The following PGCKA1 variants were observed in gnomAD, a reference collection of about 807,000 sequenced individuals.
The protein encoded by PGCKA1 is PDCD10 and GCKIII kinases associated 1, also known as PDCD10 and GCKIII kinases-associated protein 1.
chr4:37,535,447 G>A, the PGCKA1 span, among the ~76,000 whole-genome samples: 13 of 152,226 alleles, frequency 8.5e-5, 1 homozygote, highest in South Asian at 2.1e-3. Flanking sequence ...ACAATTTGGG[G>A]CCATTTACAG....
the PGCKA1 span, among the ~76,000 whole-genome samples, chr4:37,525,564 A>C: frequency 6.6e-6 from 1 of 152,184 alleles, no homozygotes; most frequent in East Asian, 1.9e-4. Flanking sequence ...ATGAAGTCTC[A>C]AGTCTTTATT....
chr4:37,524,308 G>C, the PGCKA1 span, among the ~76,000 whole-genome samples: 5,310 of 152,260 alleles, frequency 0.035, 342 homozygotes, highest in African/African-American at 0.12. Flanking sequence ...GCCCTGGTTG[G>C]GCCTTAGTGG....
the PGCKA1 span, among the ~76,000 whole-genome samples, chr4:37,505,738 C>T: frequency 5.9e-5 from 9 of 152,174 alleles, no homozygotes; most frequent in Admixed American, 5.9e-4. Flanking sequence ...TCAGTTATCT[C>T]CCACTGGGTC....
At chr4:37,522,101 G>C in the PGCKA1 span, among the ~76,000 whole-genome samples, 6 of 152,158 alleles carry the variant, frequency 3.9e-5, no homozygotes, top group Non-Finnish European at 7.4e-5. Context: ...GTTCACTCAA[G>C]GCCCTGGAGC....
chr4:37,463,990 G>A, the PGCKA1 span, among the ~76,000 whole-genome samples: 9 of 152,202 alleles, frequency 5.9e-5, no homozygotes, highest in South Asian at 1.5e-3. Flanking sequence ...ATGACTAGGC[G>A]AGGCACAAGT....
chr4:37,554,208 A>G, the PGCKA1 span, among the ~76,000 whole-genome samples: 1 of 152,172 alleles, frequency 6.6e-6, no homozygotes, highest in Non-Finnish European at 1.5e-5. Context: ...ACCATCCGCC[A>G]TGATTGTGAG....
the PGCKA1 span, among the ~76,000 whole-genome samples, chr4:37,551,828 A>G: frequency 7.2e-5 from 11 of 152,228 alleles, no homozygotes; most frequent in Non-Finnish European, 1.5e-4. Flanking sequence ...ACTTCTTCAA[A>G]TGATAAAAAG....
the PGCKA1 span, among the ~76,000 whole-genome samples, chr4:37,520,592 G>A: frequency 9.0e-4 from 136 of 151,738 alleles, no homozygotes; most frequent in Non-Finnish European, 1.5e-3. Flanking sequence ...AATTTTTACA[G>A]TATCAGTTGT....
chr4:37,531,546 T>A, the PGCKA1 span, among the ~76,000 whole-genome samples: 12 of 152,000 alleles, frequency 7.9e-5, no homozygotes, highest in Non-Finnish European at 1.5e-4. Context: ...TTGTGAGATT[T>A]TTATAATATT....
At chr4:37,465,080 T>C in the PGCKA1 span, among the ~76,000 whole-genome samples, 1 of 152,216 alleles carries the variant, frequency 6.6e-6, no homozygotes, top group Non-Finnish European at 1.5e-5. Flanking sequence ...GTGGCATTTA[T>C]AACATTTAAA....
the PGCKA1 span, among the ~76,000 whole-genome samples, chr4:37,555,144 C>T: frequency 6.6e-6 from 1 of 152,082 alleles, no homozygotes; most frequent in Non-Finnish European, 1.5e-5. Flanking sequence ...CAGTTGGTTT[C>T]CTAGGAAGCA....
the PGCKA1 span, among the ~76,000 whole-genome samples, chr4:37,564,969 TACAC>T: frequency 1.3e-5 from 2 of 150,500 alleles, no homozygotes; most frequent in Admixed American, 1.3e-4. Context: ...CACACACACG[TACAC>T]ACACACACAC....
chr4:37,545,093 T>G, the PGCKA1 span, among the ~76,000 whole-genome samples: 1 of 152,168 alleles, frequency 6.6e-6, no homozygotes, highest in African/African-American at 2.4e-5. Context: ...TGACCTCAAG[T>G]GATCCACGCA....
the PGCKA1 span, among the ~76,000 whole-genome samples, chr4:37,570,492 A>G: frequency 6.7e-6 from 1 of 149,666 alleles, no homozygotes; most frequent in Non-Finnish European, 1.5e-5. Context: ...TTTTTCAACT[A>G]TAGATTCATT....
the PGCKA1 span, among the ~76,000 whole-genome samples, chr4:37,571,345 G>C: frequency 7.1e-6 from 1 of 140,156 alleles, no homozygotes; most frequent in Admixed American, 7.2e-5. Context: ...AATTTATAGA[G>C]ACTATTATCC....
At chr4:37,555,655 A>C in the PGCKA1 span, among the ~76,000 whole-genome samples, 6 of 152,188 alleles carry the variant, frequency 3.9e-5, no homozygotes, top group African/African-American at 1.4e-4. Flanking sequence ...GTATAATCAA[A>C]GTCAAGATAA....
chr4:37,554,201 A>G, the PGCKA1 span, among the ~76,000 whole-genome samples: 1 of 152,110 alleles, frequency 6.6e-6, no homozygotes, highest in East Asian at 1.9e-4. Context: ...CTGCTTCACC[A>G]TCCGCCATGA....
At chr4:37,586,473 C>T in the PGCKA1 span, among the ~76,000 whole-genome samples, 1 of 152,116 alleles carries the variant, frequency 6.6e-6, no homozygotes, top group Non-Finnish European at 1.5e-5. Context: ...CACGGCTGGT[C>T]CGAGGGACTC....
At chr4:37,483,983 T>A in the PGCKA1 span, among the ~76,000 whole-genome samples, 1 of 152,210 alleles carries the variant, frequency 6.6e-6, no homozygotes, top group Non-Finnish European at 1.5e-5. Context: ...TGTTCATGGA[T>A]CATTCTGCTT....
Sources: gnomAD v4.1 joint callset for allele counts (sites outside exome capture counted in the v4.1 genomes callset) on GRCh38, gnomAD v4.1.1 for gene constraint, MANE v1.5 for transcripts, NCBI Gene and HGNC (gene_info 2026-07-23, HGNC 2026-07-21) for gene names.